Variants in ZSCAN5A observed in about 807,000 individuals in gnomAD.
ZSCAN5A encodes zinc finger and SCAN domain-containing protein 5A.
In ZSCAN5A, 12 loss-of-function variants were observed where a neutral mutation model predicts 23.7. That is an observed-to-expected ratio of 0.51 (90% confidence interval 0.32 to 0.82). The LOEUF (loss-of-function observed/expected upper bound fraction) is 0.82. Among genes scored for constraint, ZSCAN5A ranks in the 40% least tolerant of loss-of-function variants. ZSCAN5A has a pLI of 0.03. For missense variants in ZSCAN5A, 597 were observed against 617.9 expected, an observed-to-expected ratio of 0.97 and a Z score of 0.36; for synonymous variants, 257 against 239.9, an observed-to-expected ratio of 1.07 and a Z score of -0.66.
intron 2 of ZSCAN5A, among the ~76,000 whole-genome samples, chr19:56,358,412 C>T (rs1023226065): frequency 3.3e-5 from 5 of 149,300 alleles, no homozygotes; most frequent in East Asian, 1.9e-4. Context: ...TGAGCCTCCA[C>T]GCCCAGCCCA....
intron 2 of ZSCAN5A, among the ~76,000 whole-genome samples, chr19:56,271,052 GT>G (rs2037811622): frequency 6.6e-6 from 1 of 152,184 alleles, no homozygotes; most frequent in South Asian, 2.1e-4. Flanking sequence ...TTAAACCCTA[GT>G]GTTATGAGTT....
chr19:56,331,575 ATTC>A lies in ZSCAN5A; in HGVS notation c.-357-15310_-357-15308del, dbSNP rs1306002909. On this transcript the variant is annotated intron_variant, in intron 2 of 6. Coordinates refer to the ZSCAN5A transcript ENST00000587340. ...TTTCAGCTATTGTAAATGGAATTGCATTCTTTTTTTTTTTTTTTTTTTTTTTTT... is the reference window on the plus strand; with the variant it reads ...TTTCAGCTATTGTAAATGGAATTGCATTTTTTTTTTTTTTTTTTTTTTTTT... Among the ~76,000 whole-genome samples, 189 of 60,226 alleles carry A rather than the reference ATTC, an allele frequency of 3.1e-3. 1 individual carries two copies. Among genetic ancestry groups the A allele is most frequent in the African/African-American group, 0.016 (178 of 11,436 alleles). The allele number at this position is 60,226 out of a possible 152,430, so 39.5% of individuals were successfully genotyped here. A position where few individuals can be genotyped will look rare whatever the true frequency, so the allele number is the denominator to read the frequency against.
intron 2 of ZSCAN5A, among the ~76,000 whole-genome samples, chr19:56,359,583 C>T (rs2041720442): frequency 6.6e-6 from 1 of 152,166 alleles, no homozygotes; most frequent in South Asian, 2.1e-4. Context: ...TTTATGAGGC[C>T]AGCATCATTC....
rs7256105 is a variant in ZSCAN5A, at chr19:56,242,769, C to T, written c.-127-17596G>A. Among the ~76,000 whole-genome samples, 38 of 136,722 alleles carry T rather than the reference C, an allele frequency of 2.8e-4. No homozygotes were observed. The South Asian group carries it at 9.1e-3, about 33-fold the overall frequency. The allele number at this position is 136,722 out of a possible 152,430, so 89.7% of individuals were successfully genotyped here. A position where few individuals can be genotyped will look rare whatever the true frequency, so the allele number is the denominator to read the frequency against. ...CATTTAGAACCAAATTTCAAAAAAT[C>T]GTTCTTTCTTTCTCTCTTTTTTTTT... On this transcript the variant is annotated intron_variant, in intron 2 of 5. Transcript: ENST00000683990.
intron 2 of ZSCAN5A, chr19:56,225,474 A>T (rs1167010733): frequency 6.3e-6 from 1 of 159,138 alleles, no homozygotes; most frequent in East Asian, 1.9e-4. Context: ...GTGATGCAAC[A>T]ATAAAGTAAG....
At chr19:56,241,641 G>T (rs1306972049) in intron 2 of ZSCAN5A, among the ~76,000 whole-genome samples, 3 of 152,032 alleles carry the variant, frequency 2.0e-5, no homozygotes, top group African/African-American at 7.3e-5. Context: ...AGCATACATT[G>T]TTATGAACTG....
chr19:56,265,371 TACTCTATGTA>T (rs1252382759), intron 2 of ZSCAN5A, among the ~76,000 whole-genome samples: 1 of 148,548 alleles, frequency 6.7e-6, no homozygotes, highest in Non-Finnish European at 1.5e-5. Context: ...TATGCACCTA[TACTCTATGTA>T]AGTGGTTAAA....
chr19:56,243,649 A>G (rs2035606763), intron 2 of ZSCAN5A, among the ~76,000 whole-genome samples: 1 of 152,180 alleles, frequency 6.6e-6, no homozygotes, highest in African/African-American at 2.4e-5. Flanking sequence ...TTTAATTTAC[A>G]GTTGGGAACC....
chr19:56,250,195 C>A (rs2036241413), intron 2 of ZSCAN5A, among the ~76,000 whole-genome samples: 2 of 152,296 alleles, frequency 1.3e-5, no homozygotes, highest in South Asian at 4.1e-4. Flanking sequence ...GATAAGATAG[C>A]AAAGACCTGC....
chr19:56,359,234 GATA>G (rs1241164313), intron 2 of ZSCAN5A, among the ~76,000 whole-genome samples: 10 of 151,924 alleles, frequency 6.6e-5, no homozygotes, highest in African/African-American at 2.2e-4. Flanking sequence ...AATCAAAAAT[GATA>G]ATGATGACAT....
intron 2 of ZSCAN5A, among the ~76,000 whole-genome samples, chr19:56,292,996 C>T (rs927862021): frequency 2.6e-5 from 4 of 152,098 alleles, no homozygotes; most frequent in Non-Finnish European, 4.4e-5. Context: ...TTCTACCTTT[C>T]GGCTGAGGAC....
chr19:56,296,710 G>A (rs1285907223), intron 2 of ZSCAN5A, among the ~76,000 whole-genome samples: 1 of 152,152 alleles, frequency 6.6e-6, no homozygotes, highest in Admixed American at 6.5e-5. Context: ...AGACAATAGA[G>A]TAATGGGGAT....
At chr19:56,268,731 T>C (rs1254619071) in intron 2 of ZSCAN5A, among the ~76,000 whole-genome samples, 1 of 152,112 alleles carries the variant, frequency 6.6e-6, no homozygotes, top group Non-Finnish European at 1.5e-5. Flanking sequence ...CACATCTAGT[T>C]TTAAAACACT....
chr19:56,303,540 G>A (rs150906982), intron 2 of ZSCAN5A, among the ~76,000 whole-genome samples: 150 of 151,804 alleles, frequency 9.9e-4, no homozygotes, highest in African/African-American at 2.7e-3. Context: ...GAGGCAAGAC[G>A]GAAGGGAAGG....
rs60969702 is a variant in ZSCAN5A, at chr19:56,321,525, C to T, written c.-357-5257G>A. On this transcript the variant is annotated intron_variant, in intron 2 of 6. Transcript: ENST00000587340. ...ACCATGCACCACTCACACGCACTTTCGCTGTCTGTCTGGGTGTCTGTCTTC... is the reference window on the plus strand; with the variant it reads ...ACCATGCACCACTCACACGCACTTTTGCTGTCTGTCTGGGTGTCTGTCTTC... The T allele has an allele frequency of 0.013, 9,351 of 730,600 alleles. 503 individuals carry two copies. The African/African-American group carries it at 0.13, about 10-fold the overall frequency. The allele number at this position is 730,600 out of a possible 1,614,324, so 45.3% of individuals were successfully genotyped here.
At chr19:56,242,471 G>A (rs147908011) in intron 2 of ZSCAN5A, among the ~76,000 whole-genome samples, 52 of 152,208 alleles carry the variant, frequency 3.4e-4, no homozygotes, top group Admixed American at 2.7e-3. Flanking sequence ...TCTCCTCTGG[G>A]TTGTCTTCCC....
intron 2 of ZSCAN5A, chr19:56,322,035 T>A (rs1242473255): frequency 5.2e-6 from 4 of 775,660 alleles, no homozygotes; most frequent in Non-Finnish European, 9.6e-6. Context: ...CTGTTTTTAG[T>A]CCTCTGGTGA....
rs550913031 is a variant in ZSCAN5A, at chr19:56,309,411, C to T, written c.-128+3872G>A. Among the ~76,000 whole-genome samples, 10 of 152,288 alleles carry T rather than the reference C, an allele frequency of 6.6e-5. No individual in the cohort carries two copies. The East Asian group carries it at 1.3e-3, about 21-fold the overall frequency. On this transcript the variant is annotated intron_variant, in intron 2 of 5. Transcript: ENST00000683990. Reference sequence around the variant, plus strand: ...AACATGGCGAATGTAATGAAGGCCACTAAATTGTGCCCTTTCAAAATGGTT... The same window carrying T: ...AACATGGCGAATGTAATGAAGGCCATTAAATTGTGCCCTTTCAAAATGGTT...
At position 56,225,069 on chromosome 19, in the gene ZSCAN5A, C is replaced by A; in HGVS notation, c.-23G>T. The A allele has an allele frequency of 3.2e-6, 5 of 1,560,008 alleles. No individual in the cohort carries two copies. The highest frequency in any genetic ancestry group is 4.3e-6 in the Non-Finnish European group (5 of 1,153,568). On this transcript the variant is annotated 5_prime_UTR_variant, in exon 3 of 6. Transcript: ENST00000683990. ...CATATCTAGTGGAGAATTTTTTAAT[C>A]AGTCTCTGAGAAAGCTCTTCCAGTA...
Sources: gnomAD v4.1 joint callset for allele counts (sites outside exome capture counted in the v4.1 genomes callset) on GRCh38, gnomAD v4.1.1 for gene constraint, MANE v1.5 for transcripts, NCBI Gene and HGNC (gene_info 2026-07-23, HGNC 2026-07-21) for gene names.